Variants in PACRG observed in about 807,000 individuals in gnomAD.
PACRG encodes parkin coregulated gene protein.
PACRG carries 29 observed loss-of-function variants against 29.7 expected under a neutral mutation model. The ratio of observed to expected loss-of-function variants is 0.98; its 90% CI spans 0.73 to 1.33. The LOEUF is 1.33. Ranked by LOEUF, PACRG falls within the 40% of genes most tolerant of loss-of-function variation. The pLI, the probability that PACRG is intolerant of heterozygous loss-of-function variation, is 0.00. For missense variants in PACRG, 279 were observed against 316.2 expected (o/e 0.88, Z 0.89); for synonymous variants, 116 against 118.7 (o/e 0.98, Z 0.15).
rs141462392 is a variant in PACRG at position 162,758,716 on chromosome 6, G to A, written c.156+30325G>A. Among the ~76,000 whole-genome samples, 573 of 152,274 alleles carry A rather than the reference G, an allele frequency of 3.8e-3. 4 individuals are homozygous for A. The highest frequency in any genetic ancestry group is 0.013 in the African/African-American group (556 of 41,548). On this transcript the variant is annotated intron_variant, in intron 1 of 4. Transcript: ENST00000366888. ...TCTCACCTATAAAAGAGGTTAATAA[G>A]AGTGTATGCCTCCTGGGGCTATGAG...
intron 4 of PACRG, among the ~76,000 whole-genome samples, chr6:163,262,151 A>T (rs1455691618): frequency 6.6e-6 from 1 of 152,236 alleles, no homozygotes; most frequent in African/African-American, 2.4e-5. Flanking sequence ...GCCCTGGCCC[A>T]AGACTTTGAG....
At chr6:162,742,154 C>G (rs1780649975) in intron 1 of PACRG, among the ~76,000 whole-genome samples, 1 of 152,132 alleles carries the variant, frequency 6.6e-6, no homozygotes, top group South Asian at 2.1e-4. Context: ...TTGGCTGTGT[C>G]CTCACCCGAA....
intron 1 of PACRG, among the ~76,000 whole-genome samples, chr6:162,778,907 C>T (rs948931662): frequency 6.6e-6 from 1 of 152,106 alleles, no homozygotes; most frequent in Non-Finnish European, 1.5e-5. Context: ...GGGGTACATG[C>T]GCAGGATGTG....
At chr6:162,936,756 G>T (rs1378614021) in intron 2 of PACRG, among the ~76,000 whole-genome samples, 1 of 151,664 alleles carries the variant, frequency 6.6e-6, no homozygotes, top group Non-Finnish European at 1.5e-5. Flanking sequence ...TAAATAAAAA[G>T]CAAATAATTC....
intron 4 of PACRG, among the ~76,000 whole-genome samples, chr6:163,312,620 C>T (rs566436115): frequency 1.1e-4 from 16 of 151,592 alleles, no homozygotes; most frequent in East Asian, 3.9e-4. Context: ...ACAGAAAAAC[C>T]GGTGGACTTC....
intron 4 of PACRG, among the ~76,000 whole-genome samples, chr6:163,097,918 T>C (rs1198353768): frequency 6.6e-6 from 1 of 152,162 alleles, no homozygotes; most frequent in Non-Finnish European, 1.5e-5. Flanking sequence ...AAAGATCTAT[T>C]ATGTTAATAG....
chr6:163,196,041 C>T (rs1045738970), intron 4 of PACRG, among the ~76,000 whole-genome samples: 1 of 152,216 alleles, frequency 6.6e-6, no homozygotes, highest in African/African-American at 2.4e-5. Flanking sequence ...CCCCGTCCCT[C>T]CAGTCGCTGG....
intron 2 of PACRG, among the ~76,000 whole-genome samples, chr6:162,967,701 G>C (rs1801166134): frequency 1.3e-5 from 2 of 151,924 alleles, no homozygotes; most frequent in Admixed American, 6.6e-5. Flanking sequence ...TAGAGACGGG[G>C]TTTCACCATG....
intron 2 of PACRG, among the ~76,000 whole-genome samples, chr6:162,938,417 G>A (rs901437778): frequency 6.6e-6 from 1 of 152,218 alleles, no homozygotes; most frequent in Admixed American, 6.5e-5. Context: ...TAGATACCCA[G>A]TAGTGGGATT....
intron 2 of PACRG, among the ~76,000 whole-genome samples, chr6:162,884,684 G>A (rs1387273018): frequency 2.0e-5 from 3 of 152,096 alleles, no homozygotes; most frequent in Non-Finnish European, 4.4e-5. Flanking sequence ...GGTGTTTATG[G>A]TGAACCTGAA....
At chr6:162,759,326 G>A (rs1035948323) in intron 1 of PACRG, among the ~76,000 whole-genome samples, 4 of 152,104 alleles carry the variant, frequency 2.6e-5, no homozygotes, top group East Asian at 1.9e-4. Flanking sequence ...CTAGAATTTT[G>A]GCATCTGAAA....
chr6:163,066,898 G>A (rs188774732), intron 3 of PACRG, among the ~76,000 whole-genome samples: 83 of 152,324 alleles, frequency 5.4e-4, no homozygotes, highest in African/African-American at 1.9e-3. Context: ...AGTGTATAAA[G>A]AGGATCAATT....
intron 3 of PACRG, among the ~76,000 whole-genome samples, chr6:163,087,234 A>C (rs746135235): frequency 3.3e-5 from 5 of 151,362 alleles, no homozygotes; most frequent in Admixed American, 2.0e-4. Flanking sequence ...CAGAGAGAGA[A>C]GATGAGGATG....
chr6:162,958,884 T>TATATATAGAGAG (rs1562779944), intron 2 of PACRG, among the ~76,000 whole-genome samples: 3 of 21,164 alleles, frequency 1.4e-4, no homozygotes, highest in East Asian at 1.6e-3. Flanking sequence ...TATATATATA[T>TATATATAGAGAG]AGAGAGAGAG....
At chr6:163,234,552 A>T (rs1321906690) in intron 4 of PACRG, among the ~76,000 whole-genome samples, 1 of 152,196 alleles carries the variant, frequency 6.6e-6, no homozygotes, top group Non-Finnish European at 1.5e-5. Context: ...TTCCTTAAAA[A>T]TTATCCAGCC....
chr6:163,017,708 A>G (rs1274114591), intron 2 of PACRG, among the ~76,000 whole-genome samples: 1 of 152,318 alleles, frequency 6.6e-6, no homozygotes, highest in South Asian at 2.1e-4. Context: ...ACAGAGATGG[A>G]CATAAATGCA....
chr6:163,152,076 T>C (rs1778115567), intron 4 of PACRG, among the ~76,000 whole-genome samples: 3 of 152,362 alleles, frequency 2.0e-5, no homozygotes, highest in East Asian at 3.9e-4. Context: ...TAAGTACCAA[T>C]TTGTGATAAA....
intron 4 of PACRG, among the ~76,000 whole-genome samples, chr6:163,122,286 T>TACATACACACACAC (rs1816316912): frequency 6.6e-6 from 1 of 150,992 alleles, no homozygotes; most frequent in Non-Finnish European, 1.5e-5. Flanking sequence ...TTAACGCATT[T>TACATACACACACAC]ACACACACAC....
chr6:163,264,669 A>C (rs1456368632), intron 4 of PACRG, among the ~76,000 whole-genome samples: 2 of 152,122 alleles, frequency 1.3e-5, no homozygotes, highest in East Asian at 3.9e-4. Context: ...GGGTATATAC[A>C]CGGTGAGGGC....
Sources: gnomAD v4.1 joint callset for allele counts (sites outside exome capture counted in the v4.1 genomes callset) on GRCh38, gnomAD v4.1.1 for gene constraint, MANE v1.5 for transcripts, NCBI Gene and HGNC (gene_info 2026-07-23, HGNC 2026-07-21) for gene names.